The following TARS3 variants were observed in gnomAD, a reference collection of about 807,000 sequenced individuals.
The protein encoded by TARS3 is threonyl-tRNA synthetase 3, also known as threonine--tRNA ligase 2, cytoplasmic.
In TARS3, 94 loss-of-function variants were observed where a neutral mutation model predicts 103.5. The ratio of observed to expected loss-of-function variants is 0.91; its 90% confidence interval spans 0.77 to 1.08. The LOEUF is 1.08. Among genes scored for constraint, TARS3 ranks in the 50% least tolerant of loss-of-function variants. The pLI, the probability that TARS3 is intolerant of heterozygous loss-of-function variation, is 0.00. For missense variants in TARS3, 952 were observed against 995.2 expected (o/e 0.96, Z 0.58); for synonymous variants, 416 against 355.4 (o/e 1.17, Z -1.92).
chr15:101,692,033 CTCT>C (rs1369635258), intron 10 of TARS3, among the ~76,000 whole-genome samples: 1 of 152,212 alleles, frequency 6.6e-6, no homozygotes, highest in African/African-American at 2.4e-5. Context: ...CATAATAAAT[CTCT>C]TCTTTTCTAT....
At position 101,702,277 on chromosome 15, in the gene TARS3, C is replaced by T; in HGVS notation, c.1183G>A (p.Glu395Lys). ...KMMRDWEKFQ[E>K]EAKNRDHRKI... ...CTGTGATCTCGGTTCTTTGCTTCCT[C>T]TTGGAACTTTTCCCAGTCTCTCATC... The change falls in exon 9 of 19, where the codon GAG (glutamate) becomes AAG (lysine). Residue 395 changes from glutamate (E) to lysine (K), a missense_variant. Physicochemically the swap from Glu to Lys is moderately conservative, Grantham distance 56. Transcript: ENST00000335968. The T allele has an allele frequency of 6.2e-7, 1 of 1,614,168 alleles. No individual in the cohort carries two copies. Among genetic ancestry groups the T allele is most frequent in the Non-Finnish European group, 8.5e-7 (1 of 1,180,038 alleles).
chr15:101,718,588 T>C (rs1178350916), intron 3 of TARS3, among the ~76,000 whole-genome samples: 1 of 152,060 alleles, frequency 6.6e-6, no homozygotes, highest in South Asian at 2.1e-4. Context: ...ATAGCCCTTC[T>C]CAAAGGCCAC....
chr15:101,723,272 T>C (rs2141464378), intron 1 of TARS3, 108 bp from the exon 2 acceptor site: 1 of 939,286 alleles, frequency 1.1e-6, no homozygotes, highest in Non-Finnish European at 1.7e-6. Context: ...TAGAGGCTCA[T>C]AGCTGGGCTC....
chr15:101,713,806 G>A (rs1482233422), intron 4 of TARS3, among the ~76,000 whole-genome samples: 2 of 152,212 alleles, frequency 1.3e-5, no homozygotes, highest in African/African-American at 4.8e-5. Flanking sequence ...CATAAAAACT[G>A]AGGCATGGCT....
At chr15:101,703,794 G>A in intron 8 of TARS3, 65 bp downstream of exon 8, 1 of 949,922 alleles carries the variant, frequency 1.1e-6, no homozygotes, top group African/African-American at 1.6e-5. Context: ...AATAAGATAT[G>A]ATTAAAATCC....
At chr15:101,668,962 A>AT (rs1897690730) in intron 15 of TARS3, among the ~76,000 whole-genome samples, 1 of 152,206 alleles carries the variant, frequency 6.6e-6, no homozygotes, top group South Asian at 2.1e-4. Context: ...TTTAATTGTT[A>AT]TTTAAGGTGT....
chr15:101,668,371 C>T (rs1049414555), intron 15 of TARS3, among the ~76,000 whole-genome samples: 7 of 152,088 alleles, frequency 4.6e-5, no homozygotes, highest in South Asian at 2.1e-4. Context: ...AGGGAGGGGC[C>T]GGTGGAGTGG....
chr15:101,657,055 C>A lies in TARS3; in HGVS notation c.2146-19G>T. The A allele has an allele frequency of 2.0e-6, 3 of 1,488,942 alleles. No individual in the cohort carries two copies. The highest frequency in any genetic ancestry group is 2.8e-6 in the Non-Finnish European group (3 of 1,068,690). The allele number at this position is 1,488,942 out of a possible 1,614,324, so 92.2% of individuals were successfully genotyped here. ...TGGATACCTAGAAGAAAATGAAACA[C>A]CTTTACTGTTACATTATGGTACCTA... On this transcript the variant is annotated intron_variant, in intron 17 of 18. Coordinates refer to ENST00000335968, the MANE Select transcript of TARS3 (RefSeq NM_152334.3).
chr15:101,715,722 C>G (rs1455024371), intron 3 of TARS3, among the ~76,000 whole-genome samples: 2 of 152,180 alleles, frequency 1.3e-5, no homozygotes, highest in Non-Finnish European at 2.9e-5. Context: ...CTGCTGCACA[C>G]TGAGGTCGCC....
intron 13 of TARS3, 119 bp downstream of exon 13, chr15:101,675,481 A>C: frequency 1.0e-6 from 1 of 958,400 alleles, no homozygotes; most frequent in Admixed American, 2.4e-5. Flanking sequence ...TATCTATCTC[A>C]TAATTTCCAG....
intron 10 of TARS3, chr15:101,695,678 A>T (rs1292330372): frequency 6.6e-6 from 1 of 151,704 alleles, no homozygotes; most frequent in Non-Finnish European, 1.5e-5. Context: ...TGAGGCGGGC[A>T]AATCACCTGA....
chr15:101,697,694 C>A (rs117413946), intron 10 of TARS3, among the ~76,000 whole-genome samples: 1 of 152,050 alleles, frequency 6.6e-6, no homozygotes. Flanking sequence ...ATCTTAAGGG[C>A]GGGGCTGTAA....
At chr15:101,679,059 T>C (rs1898148420) in intron 12 of TARS3, among the ~76,000 whole-genome samples, 1 of 152,226 alleles carries the variant, frequency 6.6e-6, no homozygotes, top group Non-Finnish European at 1.5e-5. Flanking sequence ...ATAATTTCTC[T>C]CTCATTGCTT....
At chr15:101,713,919 G>A (rs1244086249) in intron 4 of TARS3, among the ~76,000 whole-genome samples, 1 of 152,106 alleles carries the variant, frequency 6.6e-6, no homozygotes, top group East Asian at 1.9e-4. Context: ...CATATTTAAT[G>A]GTTATACTTT....
intron 7 of TARS3, among the ~76,000 whole-genome samples, chr15:101,704,290 T>C (rs1899428943): frequency 6.6e-6 from 1 of 152,174 alleles, no homozygotes. Flanking sequence ...AGAGAGCTTG[T>C]AAACAACACT....
chr15:101,678,934 T>C (rs896179823), intron 12 of TARS3, among the ~76,000 whole-genome samples: 2 of 152,234 alleles, frequency 1.3e-5, no homozygotes, highest in African/African-American at 2.4e-5. Context: ...CTTTTTCTTT[T>C]TTCAGCACTT....
chr15:101,710,883 G>A (rs1220572886), intron 5 of TARS3, among the ~76,000 whole-genome samples: 1 of 152,204 alleles, frequency 6.6e-6, no homozygotes, highest in African/African-American at 2.4e-5. Flanking sequence ...ACAACTGGAT[G>A]GTGGCGTGGT....
In TARS3 at chr15:101,701,103, G is replaced by A; in HGVS notation, c.1303C>T (p.Leu435Phe). The A allele has an allele frequency of 6.3e-7, 1 of 1,575,956 alleles. No homozygotes were observed. The highest frequency in any genetic ancestry group is 8.6e-7 in the Non-Finnish European group (1 of 1,165,274). Residue 435 changes from leucine (L) to phenylalanine (F), a missense_variant, in exon 10 of 19, where the codon CTT becomes TTT. By Grantham distance (22) the Leu-to-Phe change is conservative. This residue lies in a region of TARS3 where 540 missense variants were observed against 631.0 expected (regional missense o/e 0.86). Transcript: ENST00000335968. ...TAACTTACTCGTATGAAATCTGTAA[G>A]CGTATTATAAATGAAGGCTCCTCTG... The part of the protein sequence containing the change: ...LPRGAFIYNT[L>F]TDFIREEYHK...
chr15:101,679,703 A>C (rs1898179476), intron 12 of TARS3, among the ~76,000 whole-genome samples: 1 of 152,164 alleles, frequency 6.6e-6, no homozygotes, highest in African/African-American at 2.4e-5. Context: ...TCAATTTCTT[A>C]AACCTGGACA....
Sources: gnomAD v4.1 joint callset for allele counts (sites outside exome capture counted in the v4.1 genomes callset) on GRCh38, gnomAD v4.1.1 for gene constraint, gnomAD v4.1.1 regional missense constraint, MANE v1.5 for transcripts, NCBI Gene and HGNC (gene_info 2026-07-23, HGNC 2026-07-21) for gene names.